The following RAB21 variants were observed in gnomAD, a reference collection of about 807,000 sequenced individuals.
RAB21 encodes the protein ras-related protein Rab-21.
In RAB21, 13 loss-of-function variants were observed where a neutral mutation model predicts 33.1. The ratio of observed to expected loss-of-function variants is 0.39; its 90% CI spans 0.26 to 0.62. The LOEUF (loss-of-function observed/expected upper bound fraction) is 0.62, where lower values mean the gene tolerates loss of function less well. Among genes scored for constraint, RAB21 ranks in the 20% least tolerant of loss-of-function variants. RAB21 has a pLI of 0.48. For synonymous variants in RAB21, 91 were observed against 103.7 expected, an observed-to-expected ratio of 0.88 and a Z score of 0.74; for missense variants, 234 against 279.1, an observed-to-expected ratio of 0.84 and a Z score of 1.15.
In RAB21 at chr12:71,791,291, C is replaced by A. The variant is rs1227259604; in HGVS notation, c.*5618C>A. The A allele has an allele frequency of 6.6e-6, 1 of 152,208 alleles. No individual in the cohort carries two copies. The highest frequency in any genetic ancestry group is 2.4e-5 in the African/African-American group (1 of 41,430). The allele number at this position is 152,208 out of a possible 1,614,324, so 9.4% of individuals were successfully genotyped here. On this transcript the variant is annotated 3_prime_UTR_variant, in exon 7 of 7. Transcript: ENST00000261263. ...ACAGATGTGAGCCACTAGGCCCAGT[C>A]AGTATCATAGAATTTAAATGCAAGC...
At chr12:71,769,938 C>G (rs1376849643) in intron 2 of RAB21, 79 bp downstream of exon 2, 8 of 652,464 alleles carry the variant, frequency 1.2e-5, no homozygotes, top group Non-Finnish European at 1.8e-5. Context: ...GGAGCTTAGC[C>G]AACACTTTTT....
chr12:71,761,814 C>G (rs1882876537), intron 1 of RAB21, among the ~76,000 whole-genome samples: 1 of 151,854 alleles, frequency 6.6e-6, no homozygotes, highest in South Asian at 2.1e-4. Flanking sequence ...ATTTTTTAAA[C>G]ACACCTTAAC....
Position 71,792,735 on chromosome 12 carries a change from A to G in RAB21, c.*7062A>G, listed in dbSNP as rs1883405383. The G allele has an allele frequency of 6.6e-6, 1 of 152,250 alleles. No individual in the cohort carries two copies. Among genetic ancestry groups the G allele is most frequent in the Non-Finnish European group, 1.5e-5 (1 of 68,052 alleles). 9.4% of individuals were successfully genotyped at this position (152,250 alleles called of 1,614,324 possible). A position where few individuals can be genotyped will look rare whatever the true frequency, so the allele number is the denominator to read the frequency against. ...AAACTGCTATGTGCCCAGTGTACAT[A>G]CATGGGAGAACCAGATAGCCAAAGT... On this transcript the variant is annotated 3_prime_UTR_variant, in exon 7 of 7. Transcript: ENST00000261263.
In RAB21 at chr12:71,790,510, T is replaced by C. The variant is rs1354466806; in HGVS notation, c.*4837T>C. On this transcript the variant is annotated 3_prime_UTR_variant, in exon 7 of 7. Transcript: ENST00000261263. ...GCTATTTTAAGGAAATCATTGTATG[T>C]GGTACTTCCTAGAAATATGAAAGTT... 1 of 152,204 alleles carries C rather than the reference T, an allele frequency of 6.6e-6. No individual in the cohort carries two copies. Among genetic ancestry groups the C allele is most frequent in the Non-Finnish European group, 1.5e-5 (1 of 68,028 alleles). The allele number at this position is 152,204 out of a possible 1,614,324, so 9.4% of individuals were successfully genotyped here.
chr12:71,757,275 T>G (rs1003875627), intron 1 of RAB21, among the ~76,000 whole-genome samples: 2 of 152,042 alleles, frequency 1.3e-5, no homozygotes, highest in Admixed American at 1.3e-4. Flanking sequence ...ATCTGGCTAA[T>G]TTTTTTGTAT....
chr12:71,775,839 A>AT (rs71068801), intron 4 of RAB21, among the ~76,000 whole-genome samples: 2 of 151,844 alleles, frequency 1.3e-5, no homozygotes, highest in Non-Finnish European at 2.9e-5. Flanking sequence ...CCGGCCAAGA[A>AT]TTTTTTTTAA....
chr12:71,781,373 G>T (rs942532307), intron 4 of RAB21, among the ~76,000 whole-genome samples: 1 of 151,934 alleles, frequency 6.6e-6, no homozygotes. Context: ...GGAGGCTGAG[G>T]CAGGAGAATG....
rs958375060 is a variant in RAB21, at chr12:71,760,074, G to A, written c.159+4786G>A. Among the ~76,000 whole-genome samples the A allele has an allele frequency of 3.3e-5, 5 of 152,176 alleles. No homozygotes were observed. In the East Asian group the frequency reaches 5.8e-4, roughly 18 times the overall value. ...GCGGGATTTATGTTTTTCTTTCATG[G>A]CAATTCAGTCAAAAAGGGTAATGGG... On this transcript the variant is annotated intron_variant, in intron 1 of 6. Coordinates refer to ENST00000261263, the MANE Select transcript of RAB21 (RefSeq NM_014999.4).
rs1883461403 is a variant in RAB21 at position 71,796,045 on chromosome 12, C to G, written c.*10372C>G. 1 of 137,344 alleles carries G rather than the reference C, an allele frequency of 7.3e-6. No homozygotes were observed. Among genetic ancestry groups the G allele is most frequent in the Non-Finnish European group, 1.5e-5 (1 of 65,946 alleles). 8.5% of individuals were successfully genotyped at this position (137,344 alleles called of 1,614,324 possible). On this transcript the variant is annotated 3_prime_UTR_variant, in exon 7 of 7. Coordinates refer to ENST00000261263, the MANE Select transcript of RAB21 (RefSeq NM_014999.4). ...TAATGTACATACTCGCCAAGAAATG[C>G]TACAAGGAGCCTCTCTGCAAATGCC...
At position 71,796,511 on chromosome 12, in the gene RAB21, C is replaced by T. The variant is rs949825140; in HGVS notation, c.*10838C>T. ...TGGACATGTGTCTGGCTTATCCTTC[C>T]TATCTAGGAAACTGGTGTCATTAGG... On this transcript the variant is annotated 3_prime_UTR_variant, in exon 7 of 7. Transcript: ENST00000261263. The T allele has an allele frequency of 1.0e-4, 14 of 137,252 alleles. 1 individual carries two copies. Among genetic ancestry groups the T allele is most frequent in the Non-Finnish European group, 1.8e-4 (12 of 65,828 alleles). The allele number at this position is 137,252 out of a possible 1,614,324, so 8.5% of individuals were successfully genotyped here.
rs1422413080 is a variant in RAB21 at position 71,785,758 on chromosome 12, T to C, written c.*85T>C. ...GAAGACTGCCATATTCCAAGTCACA[T>C]TATTTTACCAATGGAATTATAGAAT... is the stretch of plus-strand genomic sequence containing the variant. On this transcript the variant is annotated 3_prime_UTR_variant, in exon 7 of 7. Transcript: ENST00000261263. 4 of 1,462,468 alleles carry C rather than the reference T, an allele frequency of 2.7e-6. No homozygotes were observed. Among genetic ancestry groups the C allele is most frequent in the African/African-American group, 2.8e-5 (2 of 70,992 alleles). 90.6% of individuals were successfully genotyped at this position (1,462,468 alleles called of 1,614,324 possible). A position where few individuals can be genotyped will look rare whatever the true frequency, so the allele number is the denominator to read the frequency against.
intron 5 of RAB21, 26 bp from the exon 6 acceptor site, chr12:71,782,544 A>G (rs779794421): frequency 6.9e-7 from 1 of 1,454,634 alleles, no homozygotes; most frequent in Admixed American, 2.0e-5. Flanking sequence ...ATTTTACATC[A>G]ATCACCGATG....
At position 71,785,953 on chromosome 12, in the gene RAB21, G is replaced by C. The variant is rs539187595; in HGVS notation, c.*280G>C. The C allele has an allele frequency of 1.0e-5, 3 of 290,724 alleles. No individual in the cohort carries two copies. The highest frequency in any genetic ancestry group is 6.9e-5 in the African/African-American group (3 of 43,598). The allele number at this position is 290,724 out of a possible 1,614,324, so 18.0% of individuals were successfully genotyped here. A position where few individuals can be genotyped will look rare whatever the true frequency, so the allele number is the denominator to read the frequency against. ...GTCTCGCTCTGTCACCCAGGCTGGAGTGCACTGGCTTGATCTCGGCTCACT... is the reference window on the plus strand; with the variant it reads ...GTCTCGCTCTGTCACCCAGGCTGGACTGCACTGGCTTGATCTCGGCTCACT... On this transcript the variant is annotated 3_prime_UTR_variant, in exon 7 of 7. Transcript: ENST00000261263.
At chr12:71,774,057 C>T in intron 4 of RAB21, 35 bp downstream of exon 4, 1 of 1,407,670 alleles carries the variant, frequency 7.1e-7, no homozygotes, top group South Asian at 1.3e-5. Context: ...AAAAAAAGTC[C>T]TCTGTTTCCT....
intron 4 of RAB21, among the ~76,000 whole-genome samples, chr12:71,781,551 C>A (rs1283502820): frequency 6.6e-6 from 1 of 151,788 alleles, no homozygotes; most frequent in African/African-American, 2.4e-5. Flanking sequence ...TTTACTTTAA[C>A]TGGTTTATAT....
intron 6 of RAB21, among the ~76,000 whole-genome samples, chr12:71,784,515 A>AT (rs199531080): frequency 0.062 from 8,897 of 144,538 alleles, 633 homozygotes; most frequent in African/African-American, 0.16. Flanking sequence ...GTTAAGGTTG[A>AT]TTTTTTTTTT....
chr12:71,762,818 G>A (rs1461498791), intron 1 of RAB21, among the ~76,000 whole-genome samples: 2 of 151,884 alleles, frequency 1.3e-5, no homozygotes, highest in East Asian at 3.9e-4. Flanking sequence ...CTGACCTCAG[G>A]TGATCACCCA....
At position 71,782,721 on chromosome 12, in the gene RAB21, G is replaced by A. The variant is rs146062764; in HGVS notation, c.535+63G>A. Reference sequence around the variant, plus strand: ...TTTGGTTTTTATTTTTTAAAAAATAGTATGTATTTTACACCAGTGTTACTT... The same window carrying A: ...TTTGGTTTTTATTTTTTAAAAAATAATATGTATTTTACACCAGTGTTACTT... On this transcript the variant is annotated intron_variant, in intron 6 of 6. Transcript: ENST00000261263. 1,278 of 1,152,948 alleles carry A rather than the reference G, an allele frequency of 1.1e-3. 14 individuals carry two copies. The African/African-American group carries it at 0.018, about 16-fold the overall frequency. 71.4% of individuals were successfully genotyped at this position (1,152,948 alleles called of 1,614,324 possible).
intron 3 of RAB21, among the ~76,000 whole-genome samples, chr12:71,772,638 C>T (rs960192993): frequency 3.3e-5 from 5 of 151,918 alleles, no homozygotes; most frequent in African/African-American, 9.7e-5. Flanking sequence ...GAGAGGGATA[C>T]GTAATTGGAT....
Sources: allele counts gnomAD v4.1 joint callset (sites outside exome capture counted in the v4.1 genomes callset), GRCh38; gene constraint gnomAD v4.1.1; transcripts MANE v1.5; gene names NCBI Gene and HGNC (gene_info 2026-07-23, HGNC 2026-07-21).